The following FBXW8 variants were observed in gnomAD, a reference collection of about 807,000 sequenced individuals.
FBXW8 encodes F-box/WD repeat-containing protein 8.
FBXW8 carries 57 observed loss-of-function variants against 65.3 expected under a neutral mutation model. That is an observed-to-expected ratio of 0.87 (90% CI 0.71 to 1.09). FBXW8 has a LOEUF of 1.09. FBXW8 is among the 50% of genes least tolerant of loss of function. The pLI, the probability that FBXW8 is intolerant of heterozygous loss-of-function variation, is 0.00. For missense variants in FBXW8, 777 were observed against 814.8 expected (o/e 0.95, Z 0.57); for synonymous variants, 308 against 330.2 (o/e 0.93, Z 0.73).
At chr12:116,912,448 AT>A (rs954550711) in intron 1 of FBXW8, among the ~76,000 whole-genome samples, 2 of 126,842 alleles carry the variant, frequency 1.6e-5, no homozygotes, top group Non-Finnish European at 3.2e-5. Flanking sequence ...ATTGAGAATC[AT>A]TCTTTTTTTT....
intron 7 of FBXW8, among the ~76,000 whole-genome samples, chr12:117,004,023 G>C (rs1384032122): frequency 6.6e-6 from 1 of 152,182 alleles, no homozygotes; most frequent in African/African-American, 2.4e-5. Context: ...GCTCTGCGTG[G>C]AGCTCAGGGG....
intron 7 of FBXW8, among the ~76,000 whole-genome samples, chr12:117,001,107 T>C (rs1953510296): frequency 6.6e-6 from 1 of 152,234 alleles, no homozygotes; most frequent in Non-Finnish European, 1.5e-5. Flanking sequence ...GTGAAAGGCA[T>C]GTCCTGGGTA....
intron 1 of FBXW8, among the ~76,000 whole-genome samples, chr12:116,917,498 C>G (rs957587997): frequency 5.3e-5 from 8 of 152,240 alleles, no homozygotes; most frequent in Non-Finnish European, 8.8e-5. Flanking sequence ...TTGGCACTTT[C>G]ATTAGTGCAC....
intron 7 of FBXW8, among the ~76,000 whole-genome samples, chr12:116,998,686 G>C (rs1953439034): frequency 6.7e-6 from 1 of 149,648 alleles, no homozygotes. Context: ...TTCATGGGGA[G>C]CTAAGGGAGC....
intron 7 of FBXW8, among the ~76,000 whole-genome samples, chr12:117,008,111 TC>T (rs1953721888): frequency 6.6e-6 from 1 of 152,166 alleles, no homozygotes; most frequent in Non-Finnish European, 1.5e-5. Context: ...TATCCACTTG[TC>T]AAAAAAGAAC....
intron 2 of FBXW8, among the ~76,000 whole-genome samples, chr12:116,939,708 T>C (rs1423981300): frequency 6.6e-6 from 1 of 152,246 alleles, no homozygotes; most frequent in African/African-American, 2.4e-5. Context: ...GAGCACGTTC[T>C]GCCTTTGAGA....
At position 116,961,896 on chromosome 12, in the gene FBXW8, C is replaced by T. The variant is rs1592893442; in HGVS notation, c.678-2801C>T. On this transcript the variant is annotated intron_variant, in intron 4 of 10. Transcript: ENST00000652555. This position sits in a 1 kb window ranked among gnomAD's most constrained non-coding sequence, Gnocchi z 4.4. Reference sequence around the variant, plus strand: ...TGGGGGGAGGATTGAATGGAAGAAGCTCCGAATCAGGGAGCCTGTAGTAGT... The same window carrying T: ...TGGGGGGAGGATTGAATGGAAGAAGTTCCGAATCAGGGAGCCTGTAGTAGT... 6.6e-6 allele frequency among the ~76,000 whole-genome samples: 1 copy of T among 152,156 alleles called. No homozygotes were observed. The highest frequency in any genetic ancestry group is 1.5e-5 in the Non-Finnish European group (1 of 68,020).
chr12:116,984,116 C>T (rs1314945226), intron 5 of FBXW8, among the ~76,000 whole-genome samples: 1 of 152,088 alleles, frequency 6.6e-6, no homozygotes, highest in Non-Finnish European at 1.5e-5. Context: ...GGTAAATCTT[C>T]GAAGGGAAGG....
chr12:117,027,393 G>C lies in FBXW8; in HGVS notation c.1542-1G>C, dbSNP rs780459516. On this transcript the variant is annotated splice_acceptor_variant, in intron 9 of 10. Coordinates refer to ENST00000652555, the MANE Select transcript of FBXW8 (RefSeq NM_153348.3). LOFTEE classifies it high-confidence loss of function. ...ACGAGCTCTCTCCCACTGCCTTCCA[G>C]GCACCCGGTGCAGCACATCTCATTC... 1.2e-6 allele frequency: 2 copies of C among 1,613,844 alleles called. No homozygotes were observed. Among genetic ancestry groups the C allele is most frequent in the Admixed American group, 1.7e-5 (1 of 60,026 alleles).
chr12:117,017,008 C>A (rs916345292), intron 8 of FBXW8, among the ~76,000 whole-genome samples: 7 of 152,206 alleles, frequency 4.6e-5, no homozygotes, highest in Non-Finnish European at 8.8e-5. Flanking sequence ...TGTTCTGGCA[C>A]TACCACGCTG....
chr12:117,004,857 T>C (rs1048785861), intron 7 of FBXW8, among the ~76,000 whole-genome samples: 1 of 152,232 alleles, frequency 6.6e-6, no homozygotes, highest in African/African-American at 2.4e-5. Context: ...GCTTGAATGC[T>C]CTCTTAACTT....
intron 1 of FBXW8, among the ~76,000 whole-genome samples, chr12:116,914,823 C>T (rs892307242): frequency 1.3e-5 from 2 of 152,114 alleles, no homozygotes; most frequent in Admixed American, 6.5e-5. Flanking sequence ...TGTGGTGAGC[C>T]GAGATCGTGC....
chr12:116,964,032 G>A (rs1884155683), intron 4 of FBXW8, among the ~76,000 whole-genome samples: 1 of 152,228 alleles, frequency 6.6e-6, no homozygotes, highest in Admixed American at 6.5e-5. Flanking sequence ...TTTGATGGAA[G>A]CAGTCATTTG....
chr12:116,910,955 C>G lies in FBXW8; in HGVS notation c.-83C>G. 7.9e-7 allele frequency: 1 copy of G among 1,258,646 alleles called. No homozygotes were observed. Among genetic ancestry groups the G allele is most frequent in the Non-Finnish European group, 1.0e-6 (1 of 993,612 alleles). The allele number at this position is 1,258,646 out of a possible 1,614,324, so 78.0% of individuals were successfully genotyped here. A position where few individuals can be genotyped will look rare whatever the true frequency, so the allele number is the denominator to read the frequency against. ...AGCGGCGGCGGCAGCGGCTTCCGGC[C>G]GCGGCGGACACTTCCCTGGGCGGGA... On this transcript the variant is annotated 5_prime_UTR_variant, in exon 1 of 11. Transcript: ENST00000652555.
intron 8 of FBXW8, among the ~76,000 whole-genome samples, chr12:117,013,425 A>G (rs1953872754): frequency 7.7e-6 from 1 of 129,970 alleles, no homozygotes; most frequent in Non-Finnish European, 1.7e-5. Flanking sequence ...TAGATCAATG[A>G]GTTTTTCTGA....
At chr12:116,991,413 G>T (rs1205829482) in intron 7 of FBXW8, among the ~76,000 whole-genome samples, 1 of 152,172 alleles carries the variant, frequency 6.6e-6, no homozygotes. Context: ...GTCATGTCAT[G>T]GGTAACTCTG....
intron 2 of FBXW8, among the ~76,000 whole-genome samples, chr12:116,932,931 T>C (rs187521713): frequency 5.3e-5 from 8 of 152,368 alleles, no homozygotes; most frequent in African/African-American, 1.9e-4. Flanking sequence ...TTGTTAGTAT[T>C]GCTTAAGTGG....
intron 9 of FBXW8, 43 bp downstream of exon 9, chr12:117,024,363 C>A (rs114946895): frequency 5.0e-6 from 8 of 1,607,664 alleles, no homozygotes; most frequent in Admixed American, 1.7e-5. Flanking sequence ...CTAGTAGGAA[C>A]AGGGAAGGCA....
chr12:116,949,976 G>T, intron 4 of FBXW8: 1 of 381,322 alleles, frequency 2.6e-6, no homozygotes. Context: ...CTTGTGGCAT[G>T]TTATGTGAGA....
Sources: allele counts gnomAD v4.1 joint callset (sites outside exome capture counted in the v4.1 genomes callset), GRCh38; gene constraint gnomAD v4.1.1; non-coding constraint Gnocchi (gnomAD v3.1); transcripts MANE v1.5; gene names NCBI Gene and HGNC (gene_info 2026-07-23, HGNC 2026-07-21).